Variants in GC observed in about 807,000 individuals in gnomAD.
GC encodes vitamin D-binding protein.
Under a neutral mutation model 56.7 loss-of-function variants are expected in GC, and 43 were observed. The ratio of observed to expected loss-of-function variants is 0.76; its 90% CI spans 0.59 to 0.98. GC has a LOEUF of 0.98. GC is among the 50% of genes least tolerant of loss of function. The pLI, the probability that GC is intolerant of heterozygous loss-of-function variation, is 0.00. For synonymous variants in GC, 216 were observed against 202.7 expected (o/e 1.07, Z -0.56); for missense variants, 529 against 545.9 (o/e 0.97, Z 0.31).
intron 1 of GC, among the ~76,000 whole-genome samples, chr4:71,791,547 C>T (rs1742967814): frequency 1.3e-5 from 2 of 152,068 alleles, no homozygotes; most frequent in South Asian, 4.1e-4. Flanking sequence ...CTGAATCTTC[C>T]TATCCATGAA....
At chr4:71,756,963 A>C (rs751261171) in intron 7 of GC, 49 bp from the exon 8 acceptor site, 1 of 1,248,654 alleles carries the variant, frequency 8.0e-7, no homozygotes, top group South Asian at 1.2e-5. Context: ...CTGATAGTCT[A>C]ATTAAAAATA....
chr4:71,777,043 C>A (rs565475440), intron 1 of GC, among the ~76,000 whole-genome samples: 2 of 151,748 alleles, frequency 1.3e-5, no homozygotes, highest in Non-Finnish European at 2.9e-5. Flanking sequence ...AGGAAAATTT[C>A]TATTTCAAAG....
intron 1 of GC, among the ~76,000 whole-genome samples, chr4:71,794,635 G>GT (rs1399751500): frequency 1.3e-5 from 2 of 151,746 alleles, no homozygotes; most frequent in Non-Finnish European, 2.9e-5. Flanking sequence ...TTTTTGAAGG[G>GT]TTTTTTTGTG....
chr4:71,760,166 C>T (rs1741918162), intron 6 of GC, among the ~76,000 whole-genome samples: 1 of 151,498 alleles, frequency 6.6e-6, no homozygotes, highest in Non-Finnish European at 1.5e-5. Context: ...GCCTCAGCCT[C>T]CTGAGTAGCT....
chr4:71,763,905 G>C lies in GC; in HGVS notation c.505C>G (p.Gln169Glu), dbSNP rs1742068770. ...CTGACTAAAAGTGACAGAGGAGCTT[G>C]TCCGTAATTAGTGGAATATTCCCAC... ...FMWEYSTNYG[Q>E]APLSLLVSYT... The change falls in exon 5 of 13, where the codon CAA (glutamine) becomes GAA (glutamate). Residue 169 changes from glutamine to glutamate, a missense_variant. Gln to Glu is a conservative substitution (Grantham distance 29). Transcript: ENST00000273951. The C allele has an allele frequency of 1.2e-6, 2 of 1,611,012 alleles. No homozygotes were observed. The highest frequency in any genetic ancestry group is 1.7e-6 in the Non-Finnish European group (2 of 1,177,152).
At chr4:71,803,510 T>G (rs1743297493) in intron 1 of GC, among the ~76,000 whole-genome samples, 1 of 152,064 alleles carries the variant, frequency 6.6e-6, no homozygotes, top group Non-Finnish European at 1.5e-5. Context: ...GAGTTCTATA[T>G]GATGATGCAC....
chr4:71,787,184 A>G (rs1742861157), upstream of GC, among the ~76,000 whole-genome samples: 1 of 151,906 alleles, frequency 6.6e-6, no homozygotes, highest in African/African-American at 2.4e-5. Context: ...TTTATCAAAA[A>G]TGCAAATAAG....
chr4:71,768,276 G>A lies in GC; in HGVS notation c.261+25C>T, dbSNP rs956152797. ...TGGCTTCCTTCTCTGGGCTGCCACAGAGACGGCCAGCCACAGAAACCTACC... is the reference window on the plus strand; with the variant it reads ...TGGCTTCCTTCTCTGGGCTGCCACAAAGACGGCCAGCCACAGAAACCTACC... On this transcript the variant is annotated intron_variant, in intron 3 of 12. Coordinates refer to ENST00000273951, the MANE Select transcript of GC (RefSeq NM_000583.4). 3.2e-6 allele frequency: 5 copies of A among 1,562,172 alleles called. No individual in the cohort carries two copies. The African/African-American group carries it at 5.5e-5, about 17-fold the overall frequency.
chr4:71,754,387 A>G, intron 10 of GC, 24 bp downstream of exon 10: 2 of 1,046,126 alleles, frequency 1.9e-6, no homozygotes, highest in Non-Finnish European at 2.9e-6. Flanking sequence ...AATTTGGAGG[A>G]TACAGCCAGA....
rs1196453314 is a variant in GC at position 71,784,065 on chromosome 4, C to A, written c.-47G>T. 1 of 1,574,600 alleles carries A rather than the reference C, an allele frequency of 6.4e-7. No individual in the cohort carries two copies. The highest frequency in any genetic ancestry group is 1.2e-5 in the South Asian group (1 of 83,386). On this transcript the variant is annotated 5_prime_UTR_variant, in exon 1 of 13. Transcript: ENST00000273951. The stretch of plus-strand genomic sequence containing the variant: ...AGCACCTCCTCTCTCCTGTAGGTGA[C>A]CATGTAAAAGTGGTAGCCAAAAGTA...
At chr4:71,788,696 AG>A (rs1370719874), upstream of GC, among the ~76,000 whole-genome samples, 3 of 151,914 alleles carry the variant, frequency 2.0e-5, no homozygotes, top group East Asian at 5.8e-4. Flanking sequence ...AGAGAAAAAA[AG>A]AAAAAGAAAG....
At chr4:71,803,870 A>G in intron 1 of GC, 1 of 976,004 alleles carries the variant, frequency 1.0e-6, no homozygotes, top group Non-Finnish European at 1.6e-6. Flanking sequence ...TAAGGAAACT[A>G]AAGCTCAGAG....
chr4:71,783,765 G>T (rs1481828929), intron 1 of GC, among the ~76,000 whole-genome samples, 196 bp downstream of exon 1: 1 of 151,546 alleles, frequency 6.6e-6, no homozygotes, highest in African/African-American at 2.4e-5. Context: ...TTCTTGTGTT[G>T]ATTTTTTTTG....
intron 1 of GC, among the ~76,000 whole-genome samples, chr4:71,799,284 G>A (rs542836567): frequency 6.6e-6 from 1 of 152,276 alleles, no homozygotes; most frequent in Non-Finnish European, 1.5e-5. Flanking sequence ...TCCCAGCTCA[G>A]CGAGACAGAT....
At chr4:71,748,424 A>G (rs1256534952) in intron 11 of GC, among the ~76,000 whole-genome samples, 3 of 151,932 alleles carry the variant, frequency 2.0e-5, no homozygotes, top group Admixed American at 6.6e-5. Flanking sequence ...TGTGTTTTTA[A>G]GATTTTAGTG....
chr4:71,781,884 G>C (rs1199870547), intron 1 of GC, among the ~76,000 whole-genome samples: 1 of 151,714 alleles, frequency 6.6e-6, no homozygotes, highest in African/African-American at 2.4e-5. Context: ...GTCCAGTAAA[G>C]GGTCATCTGT....
At chr4:71,749,653 G>A (rs1054234602) in intron 11 of GC, among the ~76,000 whole-genome samples, 1 of 152,058 alleles carries the variant, frequency 6.6e-6, no homozygotes, top group Admixed American at 6.5e-5. Flanking sequence ...AAAGCAACTT[G>A]GTATGAAAAG....
At chr4:71,785,574 A>G (rs1334298139), upstream of GC, among the ~76,000 whole-genome samples, 1 of 151,790 alleles carries the variant, frequency 6.6e-6, no homozygotes, top group South Asian at 2.1e-4. Context: ...AAAGATACCT[A>G]TGCCAGATCA....
At chr4:71,796,465 G>T (rs1743109123) in intron 1 of GC, among the ~76,000 whole-genome samples, 1 of 152,152 alleles carries the variant, frequency 6.6e-6, no homozygotes, top group Non-Finnish European at 1.5e-5. Context: ...AGCCACTGAA[G>T]CTTGTAGATG....
Sources: gnomAD v4.1 joint callset for allele counts (sites outside exome capture counted in the v4.1 genomes callset) on GRCh38, gnomAD v4.1.1 for gene constraint, MANE v1.5 for transcripts, NCBI Gene and HGNC (gene_info 2026-07-23, HGNC 2026-07-21) for gene names.